The following GABRA3 variants were observed in gnomAD, a reference collection of about 807,000 sequenced individuals.
The protein encoded by GABRA3 is gamma-aminobutyric acid receptor subunit alpha-3.
Under a neutral mutation model 30.1 loss-of-function variants are expected in GABRA3, and 10 were observed. The observed-to-expected ratio is 0.33, with a 90% confidence interval of 0.20 to 0.56. The LOEUF (loss-of-function observed/expected upper bound fraction) is 0.56. Among genes scored for constraint, GABRA3 ranks in the 20% least tolerant of loss-of-function variants. The probability of loss-of-function intolerance (pLI) is 0.89; values close to 1 mark genes in which losing one functional copy is unlikely to be tolerated. For missense variants in GABRA3, 233 were observed against 392.0 expected (o/e 0.59, Z 3.42); for synonymous variants, 151 against 146.8 (o/e 1.03, Z -0.21).
chrX:152,409,869 C>A (rs901138071), intron 1 of GABRA3, among the ~76,000 whole-genome samples: 3 of 111,871 alleles, frequency 2.7e-5, no homozygotes, highest in Non-Finnish European at 5.6e-5. Flanking sequence ...ATTATATACC[C>A]AAAAGAAAGG....
chrX:152,222,254 G>C (rs67253172), intron 6 of GABRA3, among the ~76,000 whole-genome samples: 29,360 of 106,594 alleles, frequency 0.28, 3,637 homozygotes, highest in African/African-American at 0.45. Flanking sequence ...TTACTTGTTT[G>C]TGTATTTATC....
intron 3 of GABRA3, among the ~76,000 whole-genome samples, chrX:152,318,468 C>T (rs1283387684): frequency 3.6e-5 from 4 of 111,661 alleles, no homozygotes; most frequent in African/African-American, 1.3e-4. Context: ...CTCCCTAAAT[C>T]ATTCTATGAA....
At chrX:152,175,043 T>C (rs768268352) in intron 9 of GABRA3, among the ~76,000 whole-genome samples, 1 of 112,029 alleles carries the variant, frequency 8.9e-6, no homozygotes, top group Non-Finnish European at 1.9e-5. Context: ...ATTTATTAAA[T>C]AGGGAATCCT....
intron 9 of GABRA3, chrX:152,187,356 G>A (rs892649818): frequency 9.0e-6 from 1 of 111,690 alleles, no homozygotes; most frequent in African/African-American, 3.3e-5. Context: ...CAAGGATAGT[G>A]TCCCAAAAGT....
intron 3 of GABRA3, among the ~76,000 whole-genome samples, chrX:152,305,625 G>A (rs887792477): frequency 2.7e-5 from 3 of 111,348 alleles, no homozygotes; most frequent in Admixed American, 9.5e-5. Flanking sequence ...CATAGTAAAA[G>A]AAAGAATAAT....
chrX:152,230,433 C>T (rs573728523), intron 5 of GABRA3, among the ~76,000 whole-genome samples: 15 of 110,851 alleles, frequency 1.4e-4, no homozygotes, highest in East Asian at 5.7e-4. Context: ...TCAACACATG[C>T]GCTTTCAAAA....
At chrX:152,379,781 A>G (rs1306473506) in intron 1 of GABRA3, among the ~76,000 whole-genome samples, 3 of 111,582 alleles carry the variant, frequency 2.7e-5, no homozygotes, top group African/African-American at 9.8e-5. Context: ...TTTACCAAAT[A>G]TCAGGACTGA....
At chrX:152,177,237 C>T (rs1937085599) in intron 9 of GABRA3, among the ~76,000 whole-genome samples, 2 of 111,251 alleles carry the variant, frequency 1.8e-5, no homozygotes, top group East Asian at 2.8e-4. Flanking sequence ...AGGAGGTGGA[C>T]GGGTCATTCA....
At chrX:152,358,511 C>T (rs1169392929) in intron 2 of GABRA3, among the ~76,000 whole-genome samples, 1 of 111,400 alleles carries the variant, frequency 9.0e-6, no homozygotes, top group African/African-American at 3.3e-5. Context: ...GACTCCCTAT[C>T]TTCTGATTGG....
At chrX:152,413,291 C>G (rs1930121403) in intron 1 of GABRA3, among the ~76,000 whole-genome samples, 1 of 109,671 alleles carries the variant, frequency 9.1e-6, no homozygotes, top group African/African-American at 3.3e-5. Context: ...TAGGAAAGAA[C>G]AGTAATAAAC....
At chrX:152,440,808 A>C (rs995962989) in intron 1 of GABRA3, among the ~76,000 whole-genome samples, 1 of 111,155 alleles carries the variant, frequency 9.0e-6, no homozygotes, top group Admixed American at 9.6e-5. Flanking sequence ...GTGGGAGCTG[A>C]ACAATGAGAA....
intron 1 of GABRA3, among the ~76,000 whole-genome samples, chrX:152,384,388 A>C (rs1929240508): frequency 8.9e-6 from 1 of 112,072 alleles, no homozygotes; most frequent in Non-Finnish European, 1.9e-5. Flanking sequence ...AAAAAAAATT[A>C]ATTAGCACAG....
At chrX:152,173,004 A>G (rs1937023869) in intron 9 of GABRA3, among the ~76,000 whole-genome samples, 1 of 111,315 alleles carries the variant, frequency 9.0e-6, no homozygotes, top group African/African-American at 3.3e-5. Flanking sequence ...ATATGATTAA[A>G]TCAGAGACCC....
intron 8 of GABRA3, among the ~76,000 whole-genome samples, chrX:152,193,721 G>A (rs749530639): frequency 9.8e-5 from 11 of 112,561 alleles, no homozygotes; most frequent in South Asian, 7.3e-4. Context: ...ACTTTAGGCC[G>A]GGCGTGGTGG....
At chrX:152,237,666 C>G (rs1181307023) in intron 5 of GABRA3, among the ~76,000 whole-genome samples, 4 of 106,856 alleles carry the variant, frequency 3.7e-5, no homozygotes, top group East Asian at 3.0e-4. Context: ...CTTTTATTTC[C>G]TTGAGCAGTG....
chrX:152,321,659 A>T (rs1939965818), intron 3 of GABRA3, among the ~76,000 whole-genome samples: 1 of 111,721 alleles, frequency 9.0e-6, no homozygotes, highest in African/African-American at 3.3e-5. Context: ...GTAGTAACAA[A>T]AGACTGCAGT....
intron 5 of GABRA3, among the ~76,000 whole-genome samples, chrX:152,241,040 A>T: frequency 9.1e-6 from 1 of 109,599 alleles, no homozygotes; most frequent in Non-Finnish European, 1.9e-5. Context: ...GCTGGTGAGG[A>T]ACTGCGTTCC....
chrX:152,403,922 T>C (rs1334856009), intron 1 of GABRA3, among the ~76,000 whole-genome samples: 1 of 110,786 alleles, frequency 9.0e-6, no homozygotes, highest in African/African-American at 3.3e-5. Context: ...AGTCTGACAG[T>C]CTGAGCCACA....
intron 4 of GABRA3, among the ~76,000 whole-genome samples, chrX:152,273,547 C>A (rs1211135433): frequency 8.9e-6 from 1 of 112,094 alleles, no homozygotes; most frequent in Non-Finnish European, 1.9e-5. Flanking sequence ...TAAGTGCCCA[C>A]CAATGGATGA....
Sources: gnomAD v4.1 joint callset for allele counts (sites outside exome capture counted in the v4.1 genomes callset) on GRCh38, gnomAD v4.1.1 for gene constraint, MANE v1.5 for transcripts, NCBI Gene and HGNC (gene_info 2026-07-23, HGNC 2026-07-21) for gene names.